Variants in DPYS observed in about 807,000 individuals in gnomAD.
DPYS encodes dihydropyrimidinase.
DPYS carries 39 observed loss-of-function variants against 50.3 expected under a neutral mutation model. The observed-to-expected ratio is 0.78, with a 90% confidence interval of 0.60 to 1.01. The LOEUF is 1.01. Among genes scored for constraint, DPYS ranks in the 50% least tolerant of loss-of-function variants. The probability of loss-of-function intolerance (pLI) is 0.00; values close to 1 mark genes in which losing one functional copy is unlikely to be tolerated. For missense variants in DPYS, 659 were observed against 680.9 expected (o/e 0.97, Z 0.36); for synonymous variants, 245 against 250.7 (o/e 0.98, Z 0.22).
rs372850694 is a variant in DPYS at position 104,407,952 on chromosome 8, G to A, written c.1236-14961C>T. Among the ~76,000 whole-genome samples, 311 of 142,290 alleles carry A rather than the reference G, an allele frequency of 2.2e-3. 1 individual carries two copies. The highest frequency in any genetic ancestry group is 5.7e-3 in the African/African-American group (232 of 40,682). The allele number at this position is 142,290 out of a possible 152,430, so 93.3% of individuals were successfully genotyped here. On this transcript the variant is annotated intron_variant, in intron 7 of 9. Transcript: ENST00000351513. ...CCTTTTCACTTCTGGCTTAAGACAG[G>A]AAGAAAAAAAAAAAGTCATCTTGGT...
intron 4 of DPYS, among the ~76,000 whole-genome samples, chr8:104,434,973 A>G (rs554733509): frequency 1.3e-5 from 2 of 152,236 alleles, no homozygotes; most frequent in African/African-American, 4.8e-5. Flanking sequence ...ATACATAGCA[A>G]TTAGGGCATC....
intron 1 of DPYS, among the ~76,000 whole-genome samples, chr8:104,452,904 T>A (rs182062848): frequency 6.6e-6 from 1 of 152,332 alleles, no homozygotes; most frequent in East Asian, 1.9e-4. Context: ...GTAAGTGCTT[T>A]ATGGGTTGAG....
At chr8:104,413,551 G>C (rs1236062209) in intron 7 of DPYS, among the ~76,000 whole-genome samples, 1 of 151,982 alleles carries the variant, frequency 6.6e-6, no homozygotes, top group African/African-American at 2.4e-5. Flanking sequence ...GACGTTGTAA[G>C]TTACTGTCTA....
At chr8:104,452,476 G>T (rs943655853) in intron 1 of DPYS, among the ~76,000 whole-genome samples, 1 of 152,046 alleles carries the variant, frequency 6.6e-6, no homozygotes, top group Non-Finnish European at 1.5e-5. Context: ...CCTTTAATTC[G>T]CCATCTGCAA....
chr8:104,385,949 T>G (rs1306558754), intron 8 of DPYS, among the ~76,000 whole-genome samples: 1 of 152,178 alleles, frequency 6.6e-6, no homozygotes, highest in Non-Finnish European at 1.5e-5. Context: ...CCTCAGATAT[T>G]CTGTTATAGC....
At chr8:104,387,167 G>T (rs1811237266) in intron 8 of DPYS, among the ~76,000 whole-genome samples, 1 of 152,134 alleles carries the variant, frequency 6.6e-6, no homozygotes, top group African/African-American at 2.4e-5. Flanking sequence ...ACATTGAACT[G>T]AGCTACCCAG....
At chr8:104,397,217 C>T (rs763346122) in intron 7 of DPYS, among the ~76,000 whole-genome samples, 16 of 152,328 alleles carry the variant, frequency 1.1e-4, no homozygotes, top group East Asian at 1.9e-4. Context: ...CTGACCCTGA[C>T]GACATGGGGT....
chr8:104,394,766 A>G (rs1811521215), intron 7 of DPYS, among the ~76,000 whole-genome samples: 1 of 150,322 alleles, frequency 6.7e-6, no homozygotes, highest in Non-Finnish European at 1.5e-5. Flanking sequence ...TGATAATAAT[A>G]AAAAATAAAC....
intron 3 of DPYS, 28 bp downstream of exon 3, chr8:104,447,296 G>T: frequency 6.2e-7 from 1 of 1,613,288 alleles, no homozygotes; most frequent in Non-Finnish European, 8.5e-7. Context: ...TGTCATTTCT[G>T]TAGAAGCTTT....
intron 4 of DPYS, among the ~76,000 whole-genome samples, chr8:104,442,703 C>T (rs1357829045): frequency 6.6e-6 from 1 of 152,130 alleles, no homozygotes; most frequent in African/African-American, 2.4e-5. Flanking sequence ...ACAGCTTGCA[C>T]AAAATCATTA....
At chr8:104,434,804 G>A (rs973310917) in intron 4 of DPYS, among the ~76,000 whole-genome samples, 4 of 152,076 alleles carry the variant, frequency 2.6e-5, no homozygotes, top group Non-Finnish European at 4.4e-5. Context: ...TATTTGTTAC[G>A]TTCAAATGAG....
intron 4 of DPYS, among the ~76,000 whole-genome samples, chr8:104,439,023 CT>C (rs1813250914): frequency 6.6e-6 from 1 of 151,106 alleles, no homozygotes; most frequent in Non-Finnish European, 1.5e-5. Flanking sequence ...GACCTGTGTT[CT>C]TGCCACTGCA....
chr8:104,433,019 T>A (rs1813006181), intron 4 of DPYS, among the ~76,000 whole-genome samples: 2 of 152,240 alleles, frequency 1.3e-5, no homozygotes, highest in Non-Finnish European at 1.5e-5. Context: ...ACACTGTGGT[T>A]CTTATACGAA....
chr8:104,385,247 C>T (rs1018819924), intron 8 of DPYS, among the ~76,000 whole-genome samples: 3 of 152,116 alleles, frequency 2.0e-5, no homozygotes, highest in African/African-American at 2.4e-5. Context: ...CTTATTAATG[C>T]CTATATCCTC....
intron 8 of DPYS, among the ~76,000 whole-genome samples, chr8:104,383,352 C>T (rs1018381151): frequency 2.0e-5 from 3 of 152,096 alleles, no homozygotes; most frequent in Non-Finnish European, 2.9e-5. Flanking sequence ...TCTTGCTTAC[C>T]CCAGGTTTCT....
intron 7 of DPYS, chr8:104,411,934 C>A (rs1812196514): frequency 6.6e-6 from 1 of 152,168 alleles, no homozygotes; most frequent in Non-Finnish European, 1.5e-5. Flanking sequence ...CTATTTGCCT[C>A]CCAGCCAAAG....
rs1446844598 is a variant in DPYS, at chr8:104,466,673, A to T, written c.248T>A (p.Phe83Tyr). Residue 83 changes from phenylalanine (F) to tyrosine (Y), a missense_variant, in exon 1 of 10, where the codon TTC becomes TAC. Transcript: ENST00000351513. Reference protein sequence around the residue: ...PFMGSRSIDDFHQGTKAALSG... With the variant: ...PFMGSRSIDDYHQGTKAALSG... ...GGCGGGTACCTTGGTGCCCTGGTGG[A>T]AGTCGTCGATGGACCGCGAGCCCAT... 6.6e-7 allele frequency: 1 copy of T among 1,522,498 alleles called. No homozygotes were observed. 94.3% of individuals were successfully genotyped at this position (1,522,498 alleles called of 1,614,324 possible). A position where few individuals can be genotyped will look rare whatever the true frequency, so the allele number is the denominator to read the frequency against.
intron 7 of DPYS, among the ~76,000 whole-genome samples, chr8:104,402,720 T>A (rs889497242): frequency 6.6e-6 from 1 of 152,178 alleles, no homozygotes; most frequent in Non-Finnish European, 1.5e-5. Flanking sequence ...CAGGGACTTA[T>A]TGGTATGTTC....
At chr8:104,456,901 A>G (rs958808871) in intron 1 of DPYS, among the ~76,000 whole-genome samples, 1 of 152,212 alleles carries the variant, frequency 6.6e-6, no homozygotes, top group Non-Finnish European at 1.5e-5. Context: ...AGTGGGTCAT[A>G]ATATTACACA....
Sources: gnomAD v4.1 joint callset for allele counts (sites outside exome capture counted in the v4.1 genomes callset) on GRCh38, gnomAD v4.1.1 for gene constraint, MANE v1.5 for transcripts, NCBI Gene and HGNC (gene_info 2026-07-23, HGNC 2026-07-21) for gene names.